ANO3: variants seen among roughly 807,000 people sequenced by gnomAD.
ANO3 encodes the protein anoctamin-3.
ANO3 carries 99 observed loss-of-function variants against 144.8 expected under a neutral mutation model. The ratio of observed to expected loss-of-function variants is 0.68; its 90% CI spans 0.58 to 0.81. ANO3 has a LOEUF of 0.81. Among genes scored for constraint, ANO3 ranks in the 30% least tolerant of loss-of-function variants. ANO3 has a pLI of 0.00. For synonymous variants in ANO3, 414 were observed against 392.6 expected (o/e 1.05, Z -0.64); for missense variants, 905 against 1,202.2 (o/e 0.75, Z 3.66).
At chr11:26,460,450 A>G (rs1275346666) in intron 3 of ANO3, among the ~76,000 whole-genome samples, 1 of 150,496 alleles carries the variant, frequency 6.6e-6, no homozygotes, top group Non-Finnish European at 1.5e-5. Flanking sequence ...GAAGGAAAGA[A>G]GGAAAGAAGG....
intron 1 of ANO3, among the ~76,000 whole-genome samples, chr11:26,376,771 G>T (rs1353691751): frequency 2.0e-5 from 3 of 152,106 alleles, no homozygotes; most frequent in Admixed American, 6.6e-5. Flanking sequence ...AATGAATTTT[G>T]TACTTTATTT....
chr11:26,277,017 C>A (rs530966338), intron 1 of ANO3, among the ~76,000 whole-genome samples: 3 of 152,002 alleles, frequency 2.0e-5, no homozygotes, highest in African/African-American at 7.2e-5. Context: ...GTAAGCTTGC[C>A]CTCTAGTGGC....
chr11:26,240,083 T>TC (rs1852629412), intron 1 of ANO3, among the ~76,000 whole-genome samples: 1 of 152,158 alleles, frequency 6.6e-6, no homozygotes, highest in Non-Finnish European at 1.5e-5. Context: ...ATTACTTAAC[T>TC]CCTCCGTGTC....
chr11:26,463,319 A>G (rs1444154773), intron 4 of ANO3, among the ~76,000 whole-genome samples, 171 bp downstream of exon 4: 1 of 151,916 alleles, frequency 6.6e-6, no homozygotes, highest in Non-Finnish European at 1.5e-5. Flanking sequence ...TGATATTCAT[A>G]TTTGTTATAT....
At chr11:26,302,429 T>C (rs1257402459) in intron 1 of ANO3, among the ~76,000 whole-genome samples, 1 of 152,084 alleles carries the variant, frequency 6.6e-6, no homozygotes, top group Non-Finnish European at 1.5e-5. Flanking sequence ...TGGGAGGCAG[T>C]GGTTGCAGTG....
rs71449132 is a variant in ANO3, at chr11:26,644,815, TCACA to T, written c.2428+1512_2428+1515del. Among the ~76,000 whole-genome samples, 753 of 145,266 alleles carry T rather than the reference TCACA, an allele frequency of 5.2e-3. 3 individuals are homozygous for T. Among genetic ancestry groups the T allele is most frequent in the African/African-American group, 0.013 (500 of 39,370 alleles). ...GCCCTATATTTATTGGGAATACTAA[TCACA>T]CACACACACACACACACACACACAC... On this transcript the variant is annotated intron_variant, in intron 23 of 26. Transcript: ENST00000256737.
At chr11:26,493,361 C>T (rs903648789) in intron 4 of ANO3, among the ~76,000 whole-genome samples, 2 of 152,058 alleles carry the variant, frequency 1.3e-5, no homozygotes, top group Non-Finnish European at 2.9e-5. Context: ...TATACAGGGG[C>T]ATGCTGGAAA....
chr11:26,572,811 T>C (rs753307144), intron 14 of ANO3, among the ~76,000 whole-genome samples: 19 of 152,180 alleles, frequency 1.2e-4, no homozygotes, highest in Non-Finnish European at 2.4e-4. Flanking sequence ...TTTCAGGAGT[T>C]TGGAGAGGAA....
At chr11:26,596,392 A>T (rs1427153702) in intron 14 of ANO3, among the ~76,000 whole-genome samples, 1 of 152,102 alleles carries the variant, frequency 6.6e-6, no homozygotes. Flanking sequence ...ATTCATTTTC[A>T]ACCTGATCTA....
intron 1 of ANO3, among the ~76,000 whole-genome samples, chr11:26,230,394 G>A (rs976120552): frequency 6.6e-6 from 1 of 151,994 alleles, no homozygotes; most frequent in Non-Finnish European, 1.5e-5. Context: ...AGGGGTAGAG[G>A]GACATAAGGC....
intron 4 of ANO3, among the ~76,000 whole-genome samples, chr11:26,498,918 T>A (rs894759720): frequency 8.6e-5 from 13 of 151,958 alleles, no homozygotes; most frequent in Admixed American, 6.6e-4. Flanking sequence ...TTACAAAAGA[T>A]CAACAGCATC....
At chr11:26,517,269 A>G (rs1287228177) in intron 6 of ANO3, among the ~76,000 whole-genome samples, 2 of 152,070 alleles carry the variant, frequency 1.3e-5, no homozygotes, top group African/African-American at 2.4e-5. Flanking sequence ...GGCAGAAAGT[A>G]TAAGTGCATA....
At chr11:26,332,639 T>C (rs533646903) in intron 1 of ANO3, among the ~76,000 whole-genome samples, 2 of 152,028 alleles carry the variant, frequency 1.3e-5, no homozygotes, top group South Asian at 4.2e-4. Flanking sequence ...TCAGTAGAGC[T>C]CTGAGGGGTG....
chr11:26,437,850 TA>T (rs10714298), intron 1 of ANO3, among the ~76,000 whole-genome samples: 148,759 of 152,316 alleles, frequency 0.98, 72,738 homozygotes, highest in East Asian at 1. Flanking sequence ...AAAATCCTAA[TA>T]AAAATATTGG....
At chr11:26,440,386 G>C (rs1303494309) in intron 1 of ANO3, among the ~76,000 whole-genome samples, 1 of 152,076 alleles carries the variant, frequency 6.6e-6, no homozygotes, top group African/African-American at 2.4e-5. Context: ...TATATAATAT[G>C]AATGACAGGG....
At chr11:26,603,528 T>C (rs1256859954) in intron 17 of ANO3, among the ~76,000 whole-genome samples, 1 of 151,596 alleles carries the variant, frequency 6.6e-6, no homozygotes, top group Admixed American at 6.6e-5. Context: ...TAACCAAAAA[T>C]AAAAAAAAGT....
At chr11:26,566,453 T>C (rs1850587822) in intron 14 of ANO3, among the ~76,000 whole-genome samples, 1 of 151,944 alleles carries the variant, frequency 6.6e-6, no homozygotes, top group Non-Finnish European at 1.5e-5. Flanking sequence ...TACATTTTAT[T>C]AGTATCTAGT....
At chr11:26,499,999 A>ATCTATTTTTC (rs1043474669) in intron 4 of ANO3, among the ~76,000 whole-genome samples, 1 of 151,948 alleles carries the variant, frequency 6.6e-6, no homozygotes, top group Non-Finnish European at 1.5e-5. Flanking sequence ...GGAATTGATT[A>ATCTATTTTTC]ATCTATTTTT....
chr11:26,486,224 G>C (rs553874957), intron 4 of ANO3, among the ~76,000 whole-genome samples: 1 of 151,906 alleles, frequency 6.6e-6, no homozygotes, highest in Non-Finnish European at 1.5e-5. Context: ...AGCTGGATGT[G>C]ATGGCGTGCA....
Sources: allele counts gnomAD v4.1 joint callset (sites outside exome capture counted in the v4.1 genomes callset), GRCh38; gene constraint gnomAD v4.1.1; transcripts MANE v1.5; gene names NCBI Gene and HGNC (gene_info 2026-07-23, HGNC 2026-07-21).